The following PDZRN4 variants were observed in gnomAD, a reference collection of about 807,000 sequenced individuals.
PDZRN4 encodes PDZ domain containing ring finger 4, also known as PDZ domain-containing RING finger protein 4.
PDZRN4 carries 70 observed loss-of-function variants against 99.0 expected under a neutral mutation model. That is an observed-to-expected ratio of 0.71 (90% CI 0.58 to 0.86). PDZRN4 has a LOEUF of 0.86. PDZRN4 is among the 40% of genes least tolerant of loss of function. The pLI is 0.00. For missense variants in PDZRN4, 1,474 were observed against 1,331.2 expected (o/e 1.11, Z -1.67); for synonymous variants, 551 against 501.6 (o/e 1.10, Z -1.32).
chr12:41,418,293 G>C (rs909741279), intron 3 of PDZRN4, among the ~76,000 whole-genome samples: 2 of 152,176 alleles, frequency 1.3e-5, no homozygotes, highest in South Asian at 4.1e-4. Context: ...TGAAAGTAGA[G>C]TGTCATCCTA....
At chr12:41,354,340 AC>A (rs1951912259) in intron 3 of PDZRN4, among the ~76,000 whole-genome samples, 1 of 152,050 alleles carries the variant, frequency 6.6e-6, no homozygotes, top group Non-Finnish European at 1.5e-5. Context: ...TCCGTTTTCA[AC>A]CTTGCCTCAC....
chr12:41,295,036 T>C (rs1174172536), intron 3 of PDZRN4, among the ~76,000 whole-genome samples: 5 of 152,130 alleles, frequency 3.3e-5, no homozygotes, highest in Non-Finnish European at 7.4e-5. Flanking sequence ...TGATTTCTCA[T>C]CAGTACCACA....
At chr12:41,344,179 GC>G (rs1207907460) in intron 3 of PDZRN4, among the ~76,000 whole-genome samples, 1 of 151,978 alleles carries the variant, frequency 6.6e-6, no homozygotes, top group Non-Finnish European at 1.5e-5. Context: ...GTTCAATGAG[GC>G]TTTTTATCTT....
intron 3 of PDZRN4, among the ~76,000 whole-genome samples, chr12:41,265,626 T>C (rs528976369): frequency 2.7e-4 from 41 of 152,302 alleles, no homozygotes; most frequent in African/African-American, 9.9e-4. Flanking sequence ...TCCTCAGTTG[T>C]TTCTTAGCAT....
intron 3 of PDZRN4, among the ~76,000 whole-genome samples, chr12:41,414,139 C>T (rs1434298947): frequency 1.3e-5 from 2 of 152,174 alleles, no homozygotes; most frequent in Non-Finnish European, 2.9e-5. Context: ...AATAGGCCCC[C>T]AGTCTCTTCT....
chr12:41,388,616 G>T (rs139613297), intron 3 of PDZRN4, among the ~76,000 whole-genome samples: 2 of 152,256 alleles, frequency 1.3e-5, no homozygotes, highest in African/African-American at 4.8e-5. Context: ...AGAAACTATT[G>T]GAGTAGTATA....
At chr12:41,513,372 T>A (rs1364686373) in intron 5 of PDZRN4, among the ~76,000 whole-genome samples, 1 of 152,046 alleles carries the variant, frequency 6.6e-6, no homozygotes, top group Non-Finnish European at 1.5e-5. Flanking sequence ...TTTGACTGGG[T>A]TTAAAATTTC....
intron 3 of PDZRN4, among the ~76,000 whole-genome samples, chr12:41,497,049 T>G (rs1938019053): frequency 6.6e-6 from 1 of 152,148 alleles, no homozygotes; most frequent in Non-Finnish European, 1.5e-5. Flanking sequence ...TACAATTTAT[T>G]TCGTTTATTT....
At chr12:41,424,662 C>T (rs2120418900) in intron 3 of PDZRN4, among the ~76,000 whole-genome samples, 1 of 147,664 alleles carries the variant, frequency 6.8e-6, no homozygotes, top group South Asian at 2.2e-4. Context: ...CAACAGTCTT[C>T]AAATACTTAG....
chr12:41,558,719 T>A (rs528271703), intron 7 of PDZRN4, among the ~76,000 whole-genome samples: 2 of 152,346 alleles, frequency 1.3e-5, no homozygotes, highest in East Asian at 3.9e-4. Context: ...TCCGCCTGAT[T>A]ACTTTATATT....
At chr12:41,489,145 C>T (rs1023985106) in intron 3 of PDZRN4, among the ~76,000 whole-genome samples, 2 of 147,792 alleles carry the variant, frequency 1.4e-5, no homozygotes, top group East Asian at 2.0e-4. Context: ...ATGTGTGGCC[C>T]AAGACAATTC....
At chr12:41,519,201 G>A (rs1938451829) in intron 5 of PDZRN4, among the ~76,000 whole-genome samples, 1 of 151,974 alleles carries the variant, frequency 6.6e-6, no homozygotes, top group South Asian at 2.1e-4. Flanking sequence ...AATTAAGCAT[G>A]CTCTGCCCCA....
chr12:41,524,934 CATT>C (rs1406743309), intron 5 of PDZRN4, among the ~76,000 whole-genome samples: 1 of 151,986 alleles, frequency 6.6e-6, no homozygotes, highest in Non-Finnish European at 1.5e-5. Context: ...ACATGACAGA[CATT>C]ATTGCTGATT....
At chr12:41,356,339 T>C (rs936899775) in intron 3 of PDZRN4, among the ~76,000 whole-genome samples, 6 of 152,164 alleles carry the variant, frequency 3.9e-5, no homozygotes, top group South Asian at 4.1e-4. Context: ...TTCCTCTTTT[T>C]AGATATAATT....
At chr12:41,294,629 A>C (rs1951478919) in intron 3 of PDZRN4, among the ~76,000 whole-genome samples, 1 of 152,168 alleles carries the variant, frequency 6.6e-6, no homozygotes, top group South Asian at 2.1e-4. Context: ...AATAGATTAC[A>C]ACTCTATTAC....
intron 9 of PDZRN4, among the ~76,000 whole-genome samples, chr12:41,569,606 T>C (rs1183869850): frequency 3.3e-5 from 5 of 152,228 alleles, no homozygotes; most frequent in African/African-American, 1.2e-4. Flanking sequence ...TTTGAAAATC[T>C]TGACAGGCTT....
chr12:41,440,899 G>A (rs1408887535), intron 3 of PDZRN4, among the ~76,000 whole-genome samples: 3 of 152,118 alleles, frequency 2.0e-5, no homozygotes, highest in Non-Finnish European at 4.4e-5. Flanking sequence ...TGAACTGCCT[G>A]TTTCTTATTA....
intron 5 of PDZRN4, among the ~76,000 whole-genome samples, chr12:41,512,617 A>C (rs749615981): frequency 1.3e-5 from 2 of 152,082 alleles, no homozygotes; most frequent in East Asian, 3.9e-4. Flanking sequence ...TGATATAGGA[A>C]GTTGCTTTGA....
chr12:41,357,716 A>AT (rs1455573132), intron 3 of PDZRN4, among the ~76,000 whole-genome samples: 1 of 151,968 alleles, frequency 6.6e-6, no homozygotes, highest in African/African-American at 2.4e-5. Context: ...TTGTGAGGCA[A>AT]TAGGTTTTGG....
Sources: gnomAD v4.1 joint callset for allele counts (sites outside exome capture counted in the v4.1 genomes callset) on GRCh38, gnomAD v4.1.1 for gene constraint, MANE v1.5 for transcripts, NCBI Gene and HGNC (gene_info 2026-07-23, HGNC 2026-07-21) for gene names.